MAD2L1: variants seen among roughly 807,000 people sequenced by gnomAD.
MAD2L1 encodes mitotic arrest deficient 2 like 1.
In MAD2L1, 10 loss-of-function variants were observed where a neutral mutation model predicts 25.9. The observed-to-expected ratio is 0.39, with a 90% CI of 0.24 to 0.66. The LOEUF (loss-of-function observed/expected upper bound fraction) is 0.66. Among genes scored for constraint, MAD2L1 ranks in the 30% least tolerant of loss-of-function variants. The pLI, the probability that MAD2L1 is intolerant of heterozygous loss-of-function variation, is 0.49. For missense variants in MAD2L1, 180 were observed against 246.4 expected (o/e 0.73, Z 1.80); for synonymous variants, 81 against 91.8 (o/e 0.88, Z 0.67).
intron 3 of MAD2L1, 87 bp downstream of exon 3, chr4:120,061,888 G>T: frequency 9.7e-7 from 1 of 1,035,724 alleles, no homozygotes; most frequent in Non-Finnish European, 1.4e-6. Context: ...TATAAAACTA[G>T]TTCAATACAA....
rs572197728 is a variant in MAD2L1, at chr4:120,066,843, C to G, written c.-109G>C. The G allele has an allele frequency of 1.0e-5, 8 of 772,404 alleles. No homozygotes were observed. In the African/African-American group the frequency reaches 1.0e-4, roughly 10 times the overall value. The allele number at this position is 772,404 out of a possible 1,614,324, so 47.8% of individuals were successfully genotyped here. On this transcript the variant is annotated 5_prime_UTR_variant, in exon 1 of 5. Coordinates refer to ENST00000296509, the MANE Select transcript of MAD2L1 (RefSeq NM_002358.4). ...TTTCAAAAGTAACGACGCAGCACGTCGTCAGGTCCTTTGCGCAGGCGCGAC... is the reference window on the plus strand; with the variant it reads ...TTTCAAAAGTAACGACGCAGCACGTGGTCAGGTCCTTTGCGCAGGCGCGAC...
In MAD2L1 at chr4:120,060,274, C is replaced by T. The variant is rs376755613; in HGVS notation, c.462G>A (p.Leu154=). The T allele has an allele frequency of 2.1e-5, 33 of 1,609,576 alleles. No homozygotes were observed. Among genetic ancestry groups the T allele is most frequent in the Non-Finnish European group, 1.5e-5 (18 of 1,177,076 alleles). Residue 154 remains leucine (L), a synonymous_variant, in exon 5 of 5, where the codon CTG becomes CTA. Transcript: ENST00000296509. ...CAACCAAATCTTTGTCTGTATAAAT[C>T]AGCAGATCAAATGAACCTAAATTGG... is the stretch of plus-strand genomic sequence containing the variant. The part of the protein sequence containing the change: ...LLEVSCSFDL[L]IYTDKDLVVP...
intron 2 of MAD2L1, among the ~76,000 whole-genome samples, chr4:120,062,679 C>T (rs1206267637): frequency 1.3e-5 from 2 of 152,142 alleles, no homozygotes; most frequent in African/African-American, 4.8e-5. Context: ...AGGAGCCAGA[C>T]CATGCAAAGC....
rs747021510 is a variant in MAD2L1 at position 120,060,997 on chromosome 4, T to C, written c.342-20A>G. ...GGTGCACTGTCAAAAAAAAATCAAA[T>C]CAATTAATTCATTTCAGGTCTTAAC... On this transcript the variant is annotated intron_variant, in intron 3 of 4. Transcript: ENST00000296509. The C allele has an allele frequency of 7.1e-7, 1 of 1,408,264 alleles. No individual in the cohort carries two copies. The highest frequency in any genetic ancestry group is 1.0e-6 in the Non-Finnish European group (1 of 995,572). The allele number at this position is 1,408,264 out of a possible 1,614,324, so 87.2% of individuals were successfully genotyped here. A position where few individuals can be genotyped will look rare whatever the true frequency, so the allele number is the denominator to read the frequency against.
Position 120,058,435 on chromosome 4 carries a change from GC to G in MAD2L1, c.*1682del, listed in dbSNP as rs1022599352. 1.3e-5 allele frequency: 2 copies of G among 152,056 alleles called. No homozygotes were observed. The highest frequency in any genetic ancestry group is 3.9e-4 in the East Asian group (2 of 5,114). The allele number at this position is 152,056 out of a possible 1,614,324, so 9.4% of individuals were successfully genotyped here. On this transcript the variant is annotated 3_prime_UTR_variant, in exon 5 of 5. Coordinates refer to ENST00000296509, the MANE Select transcript of MAD2L1 (RefSeq NM_002358.4). Reference sequence around the variant, plus strand: ...TCATGAGGTCAGGAGTTCAAGACTAGCCTGGCCAACATGGTGAAACCCTCTC... The same window carrying G: ...TCATGAGGTCAGGAGTTCAAGACTAGCTGGCCAACATGGTGAAACCCTCTC...
intron 1 of MAD2L1, among the ~76,000 whole-genome samples, chr4:120,066,045 G>T (rs2110509867): frequency 6.9e-6 from 1 of 145,948 alleles, no homozygotes; most frequent in East Asian, 2.0e-4. Context: ...AAAAAAAAAA[G>T]CCAAAGTGTA....
rs115633243 is a variant in MAD2L1, at chr4:120,066,160, G to C, written c.74-342C>G. The stretch of plus-strand genomic sequence containing the variant: ...GGCTGTTGCATTCGAGTTAGCAACT[G>C]ACTGAATAGTCACTGTGCTCCAGAC... On this transcript the variant is annotated intron_variant, in intron 1 of 4. Transcript: ENST00000296509. Among the ~76,000 whole-genome samples, 459 of 152,206 alleles carry C rather than the reference G, an allele frequency of 3.0e-3. 3 individuals carry two copies. Among genetic ancestry groups the C allele is most frequent in the African/African-American group, 9.8e-3 (409 of 41,538 alleles).
chr4:120,066,033 C>CA (rs60113810), intron 1 of MAD2L1, among the ~76,000 whole-genome samples: 16,581 of 148,918 alleles, frequency 0.11, 978 homozygotes, highest in African/African-American at 0.14. Flanking sequence ...TTTCACGTGG[C>CA]AAAAAAAAAA....
At position 120,060,783 on chromosome 4, in the gene MAD2L1, T is replaced by C. The variant is rs1726201201; in HGVS notation, c.445+91A>G. The C allele has an allele frequency of 4.0e-6, 3 of 752,448 alleles. No individual in the cohort carries two copies. In the South Asian group the frequency reaches 5.4e-5, roughly 14 times the overall value. The allele number at this position is 752,448 out of a possible 1,614,324, so 46.6% of individuals were successfully genotyped here. A position where few individuals can be genotyped will look rare whatever the true frequency, so the allele number is the denominator to read the frequency against. ...ATTTATATTACATAAATCTGATAAA[T>C]AAGACAAAATTTAATAAAGGGGTGA... On this transcript the variant is annotated intron_variant, in intron 4 of 4. Transcript: ENST00000296509.
chr4:120,059,360 G>A lies in MAD2L1; in HGVS notation c.*758C>T, dbSNP rs979401917. On this transcript the variant is annotated 3_prime_UTR_variant, in exon 5 of 5. Coordinates refer to ENST00000296509, the MANE Select transcript of MAD2L1 (RefSeq NM_002358.4). The stretch of plus-strand genomic sequence containing the variant: ...ACTTCGTAGGAACAAGAATTCATTA[G>A]CTATGCTGAATCAATTCTAATTACC... 4 of 152,172 alleles carry A rather than the reference G, an allele frequency of 2.6e-5. No homozygotes were observed. The highest frequency in any genetic ancestry group is 2.6e-4 in the Admixed American group (4 of 15,284). The allele number at this position is 152,172 out of a possible 1,614,324, so 9.4% of individuals were successfully genotyped here.
At chr4:120,060,721 C>T (rs1008831381) in intron 4 of MAD2L1, among the ~76,000 whole-genome samples, 153 bp downstream of exon 4, 13 of 151,960 alleles carry the variant, frequency 8.6e-5, no homozygotes, top group Non-Finnish European at 1.6e-4. Flanking sequence ...AGGGAGACTA[C>T]GATACATTAC....
Position 120,059,991 on chromosome 4 carries a change from A to T in MAD2L1, c.*127T>A. ...AAGGAACAATTACACACAGTTCAGT[A>T]AGTATCATTTTGGTTTTCTCCATGT... On this transcript the variant is annotated 3_prime_UTR_variant, in exon 5 of 5. Coordinates refer to ENST00000296509, the MANE Select transcript of MAD2L1 (RefSeq NM_002358.4). The T allele has an allele frequency of 1.4e-6, 1 of 739,586 alleles. No individual in the cohort carries two copies. Among genetic ancestry groups the T allele is most frequent in the Non-Finnish European group, 2.2e-6 (1 of 453,454 alleles). 45.8% of individuals were successfully genotyped at this position (739,586 alleles called of 1,614,324 possible). A position where few individuals can be genotyped will look rare whatever the true frequency, so the allele number is the denominator to read the frequency against.
At chr4:120,064,637 T>C (rs1053649127) in intron 2 of MAD2L1, among the ~76,000 whole-genome samples, 12 of 152,178 alleles carry the variant, frequency 7.9e-5, no homozygotes, top group Non-Finnish European at 2.9e-5. Flanking sequence ...CTATCTTCCC[T>C]TGCCTGTTAA....
chr4:120,064,333 A>G (rs1726277325), intron 2 of MAD2L1, among the ~76,000 whole-genome samples: 1 of 152,186 alleles, frequency 6.6e-6, no homozygotes, highest in South Asian at 2.1e-4. Context: ...TGTACACTTG[A>G]GAACAGAGGT....
rs759063752 is a variant in MAD2L1 at position 120,065,811 on chromosome 4, G to A, written c.81C>T (p.Gly27=). 60 of 1,612,624 alleles carry A rather than the reference G, an allele frequency of 3.7e-5. No individual in the cohort carries two copies. In the South Asian group the frequency reaches 3.9e-4, roughly 10 times the overall value. Residue 27 remains glycine (G), a synonymous_variant, in exon 2 of 5, where the codon GGC becomes GGT. Transcript: ENST00000296509. ...AEIVAEFFSF[G]INSILYQRGI... is the part of the protein sequence containing the mutation. The stretch of plus-strand genomic sequence containing the variant: ...CACGCTGATATAAAATGCTGTTGAT[G>A]CCGAATGCTGCAAGCAAAAGAAATG...
chr4:120,055,968 G>A lies in MAD2L1; in HGVS notation c.*4150C>T, dbSNP rs181727828. On this transcript the variant is annotated 3_prime_UTR_variant, in exon 5 of 5. Transcript: ENST00000296509. The stretch of plus-strand genomic sequence containing the variant: ...ACCCAATAAAACATGAATAAGTTTT[G>A]CAAAGCACAGTAAAGGAAAACCAGT... 9.9e-5 allele frequency: 15 copies of A among 152,238 alleles called. No homozygotes were observed. Among genetic ancestry groups the A allele is most frequent in the Admixed American group, 9.8e-4 (15 of 15,290 alleles). 9.4% of individuals were successfully genotyped at this position (152,238 alleles called of 1,614,324 possible). A position where few individuals can be genotyped will look rare whatever the true frequency, so the allele number is the denominator to read the frequency against.
At chr4:120,062,142 T>C (rs1274854732) in intron 2 of MAD2L1, 47 bp from the exon 3 acceptor site, 2 of 1,570,588 alleles carry the variant, frequency 1.3e-6, no homozygotes, top group East Asian at 2.3e-5. Flanking sequence ...CACTGCATCA[T>C]AAAGTAGCTC....
chr4:120,065,637 T>C, intron 2 of MAD2L1, 35 bp downstream of exon 2: 2 of 1,607,776 alleles, frequency 1.2e-6, no homozygotes, highest in Non-Finnish European at 1.7e-6. Flanking sequence ...CTAGAAAATC[T>C]GCAAGACTCA....
rs1404483279 is a variant in MAD2L1 at position 120,055,908 on chromosome 4, AAC to A, written c.*4208_*4209del. On this transcript the variant is annotated 3_prime_UTR_variant, in exon 5 of 5. Coordinates refer to ENST00000296509, the MANE Select transcript of MAD2L1 (RefSeq NM_002358.4). ...CAATCATTGGTCAAAGTCATCTGAC[AAC>A]AGACTATCTGAGGAAAGTGTAAATA... 1 of 152,256 alleles carries A rather than the reference AAC, an allele frequency of 6.6e-6. No individual in the cohort carries two copies. The highest frequency in any genetic ancestry group is 2.4e-5 in the African/African-American group (1 of 41,464). 9.4% of individuals were successfully genotyped at this position (152,256 alleles called of 1,614,324 possible).
Sources: gnomAD v4.1 joint callset for allele counts (sites outside exome capture counted in the v4.1 genomes callset) on GRCh38, gnomAD v4.1.1 for gene constraint, MANE v1.5 for transcripts, NCBI Gene and HGNC (gene_info 2026-07-23, HGNC 2026-07-21) for gene names.